Variants in KCNJ3 observed in about 807,000 individuals in gnomAD.
The protein encoded by KCNJ3 is potassium inwardly rectifying channel subfamily J member 3.
Under a neutral mutation model 39.2 loss-of-function variants are expected in KCNJ3, and 4 were observed. The ratio of observed to expected loss-of-function variants is 0.10; its 90% CI spans 0.05 to 0.23. The LOEUF (loss-of-function observed/expected upper bound fraction) is 0.23. Ranked by LOEUF, KCNJ3 falls within the 10% of genes least tolerant of loss-of-function variation. The pLI is 1.00. For missense variants in KCNJ3, 276 were observed against 634.9 expected, an observed-to-expected ratio of 0.43 and a Z score of 6.08; for synonymous variants, 230 against 237.4, an observed-to-expected ratio of 0.97 and a Z score of 0.29.
intron 2 of KCNJ3, among the ~76,000 whole-genome samples, chr2:154,826,187 A>C (rs76164728): frequency 6.6e-6 from 1 of 152,244 alleles, no homozygotes; most frequent in East Asian, 1.9e-4. Context: ...AGATTCATGA[A>C]TTGTTTATTG....
intron 2 of KCNJ3, among the ~76,000 whole-genome samples, chr2:154,773,231 G>C (rs937957869): frequency 2.6e-5 from 4 of 151,858 alleles, no homozygotes; most frequent in African/African-American, 9.7e-5. Flanking sequence ...GCATCTTGTT[G>C]CATGACTTAC....
At chr2:154,821,635 A>ATTTTTT (rs71422263) in intron 2 of KCNJ3, among the ~76,000 whole-genome samples, 1,642 of 88,050 alleles carry the variant, frequency 0.019, 111 homozygotes, top group East Asian at 0.04. Context: ...AGAATATGTG[A>ATTTTTT]TTTTTTTTTT....
chr2:154,758,657 T>A (rs1198162093), intron 2 of KCNJ3, among the ~76,000 whole-genome samples: 1 of 152,206 alleles, frequency 6.6e-6, no homozygotes, highest in Admixed American at 6.5e-5. Flanking sequence ...GGAAACCCCA[T>A]GGATCCCCAA....
rs139928051 is a variant in KCNJ3 at position 154,719,944 on chromosome 2, T to C, written c.919+10125T>C. On this transcript the variant is annotated intron_variant, in intron 2 of 2. Transcript: ENST00000295101. ...ATTAGTTTTAACTTTGTTATTTCTA[T>C]GCCCCAGGCTCTGTCTGAAAAAGAA... Among the ~76,000 whole-genome samples, 123 of 152,246 alleles carry C rather than the reference T, an allele frequency of 8.1e-4. 2 individuals carry two copies. The East Asian group carries it at 0.022, about 27-fold the overall frequency.
intron 2 of KCNJ3, among the ~76,000 whole-genome samples, chr2:154,726,980 A>G (rs2105164275): frequency 6.6e-6 from 1 of 152,208 alleles, no homozygotes; most frequent in South Asian, 2.1e-4. Context: ...ACGCAAAGGC[A>G]TAAGAATGAT....
chr2:154,784,119 A>G (rs1169611156), intron 2 of KCNJ3, among the ~76,000 whole-genome samples: 4 of 152,200 alleles, frequency 2.6e-5, no homozygotes, highest in Non-Finnish European at 5.9e-5. Flanking sequence ...TGTAACAAGC[A>G]TAAGTACGTT....
At chr2:154,743,003 C>G (rs1238986574) in intron 2 of KCNJ3, among the ~76,000 whole-genome samples, 1 of 151,680 alleles carries the variant, frequency 6.6e-6, no homozygotes, top group Non-Finnish European at 1.5e-5. Context: ...GGTTTTAATT[C>G]TTACATATAG....
chr2:154,803,631 G>A (rs1686860127), intron 2 of KCNJ3, among the ~76,000 whole-genome samples: 1 of 151,680 alleles, frequency 6.6e-6, no homozygotes, highest in South Asian at 2.1e-4. Context: ...AAAAACCTAA[G>A]TTTTAAATTC....
At chr2:154,837,560 A>G (rs1687492238) in intron 2 of KCNJ3, among the ~76,000 whole-genome samples, 1 of 152,188 alleles carries the variant, frequency 6.6e-6, no homozygotes. Flanking sequence ...TTATTCAAAA[A>G]GTTGACTTCA....
At chr2:154,816,722 T>C (rs1353683656) in intron 2 of KCNJ3, among the ~76,000 whole-genome samples, 1 of 152,206 alleles carries the variant, frequency 6.6e-6, no homozygotes, top group Non-Finnish European at 1.5e-5. Context: ...ACTTTCACCA[T>C]TAAACTTTCA....
chr2:154,755,508 G>A (rs16838098), intron 2 of KCNJ3, among the ~76,000 whole-genome samples: 15,364 of 150,114 alleles, frequency 0.1, 828 homozygotes, highest in East Asian at 0.2. Context: ...AAAGGTTAAG[G>A]ATACCTGTAA....
At chr2:154,806,701 C>T (rs1402223837) in intron 2 of KCNJ3, among the ~76,000 whole-genome samples, 3 of 152,110 alleles carry the variant, frequency 2.0e-5, no homozygotes, top group African/African-American at 4.8e-5. Context: ...GTAAGGCTAC[C>T]ATCAACATGA....
At chr2:154,746,779 A>G (rs1685753231) in intron 2 of KCNJ3, among the ~76,000 whole-genome samples, 1 of 151,818 alleles carries the variant, frequency 6.6e-6, no homozygotes, top group Admixed American at 6.6e-5. Flanking sequence ...TTGGAAATTA[A>G]TAGGCACCAA....
At chr2:154,744,894 T>C (rs1386275349) in intron 2 of KCNJ3, among the ~76,000 whole-genome samples, 1 of 152,008 alleles carries the variant, frequency 6.6e-6, no homozygotes, top group Non-Finnish European at 1.5e-5. Flanking sequence ...AGCACTGCTT[T>C]AACTGTGTTG....
intron 2 of KCNJ3, among the ~76,000 whole-genome samples, chr2:154,830,632 A>G (rs1308280417): frequency 6.6e-6 from 1 of 152,192 alleles, no homozygotes; most frequent in Non-Finnish European, 1.5e-5. Context: ...TGCCAGATAT[A>G]GAAACTTGAG....
chr2:154,722,201 A>G (rs938982785), intron 2 of KCNJ3, among the ~76,000 whole-genome samples: 1 of 152,212 alleles, frequency 6.6e-6, no homozygotes, highest in East Asian at 1.9e-4. Flanking sequence ...GTAACTGTGC[A>G]TAAACAAACT....
At chr2:154,739,118 C>A (rs1189386004) in intron 2 of KCNJ3, among the ~76,000 whole-genome samples, 1 of 151,974 alleles carries the variant, frequency 6.6e-6, no homozygotes, top group East Asian at 1.9e-4. Context: ...GTGGGTAGAT[C>A]CTCAGGTGCT....
Position 154,815,406 on chromosome 2 carries a change from T to TAAA in KCNJ3, c.920-39321_920-39320insAAA, listed in dbSNP as rs533469299. Among the ~76,000 whole-genome samples, 6 of 152,318 alleles carry TAAA rather than the reference T, an allele frequency of 3.9e-5. No individual in the cohort carries two copies. In the South Asian group the frequency reaches 1.2e-3, roughly 32 times the overall value. ...GGAACTGCATCTTTTGTTCAGTTCT[T>TAAA]TTTTATCTCCTCTTTTTTCCTTTTG... is the stretch of plus-strand genomic sequence containing the variant. On this transcript the variant is annotated intron_variant, in intron 2 of 2. Transcript: ENST00000295101.
chr2:154,717,553 A>G (rs143096697), intron 2 of KCNJ3, among the ~76,000 whole-genome samples: 1 of 152,280 alleles, frequency 6.6e-6, no homozygotes, highest in East Asian at 1.9e-4. Context: ...CCAAGATGTT[A>G]CTTGTGATTA....
Sources: allele counts gnomAD v4.1 joint callset (sites outside exome capture counted in the v4.1 genomes callset), GRCh38; gene constraint gnomAD v4.1.1; transcripts MANE v1.5; gene names NCBI Gene and HGNC (gene_info 2026-07-23, HGNC 2026-07-21).